FEZ2: variants seen among roughly 807,000 people sequenced by gnomAD.
FEZ2 encodes the protein fasciculation and elongation protein zeta 2, also known as fasciculation and elongation protein zeta-2.
In FEZ2, 51 loss-of-function variants were observed where a neutral mutation model predicts 40.4. The ratio of observed to expected loss-of-function variants is 1.26; its 90% CI spans 1.01 to 1.59. The LOEUF (loss-of-function observed/expected upper bound fraction) is 1.59. Among genes scored for constraint, FEZ2 ranks in the 40% most tolerant of loss-of-function variants. The probability of loss-of-function intolerance (pLI) is 0.00; values close to 1 mark genes in which losing one functional copy is unlikely to be tolerated. For synonymous variants in FEZ2, 242 were observed against 172.0 expected (o/e 1.41, Z -3.18); for missense variants, 640 against 438.3 (o/e 1.46, Z -4.11).
chr2:36,578,478 T>A, intron 5 of FEZ2, 119 bp downstream of exon 5: 2 of 1,039,066 alleles, frequency 1.9e-6, no homozygotes, highest in South Asian at 3.2e-5. Flanking sequence ...GGGCTCTGAT[T>A]AGAAGTGTTA....
chr2:36,562,167 G>A (rs1668110576), intron 5 of FEZ2, among the ~76,000 whole-genome samples: 1 of 151,936 alleles, frequency 6.6e-6, no homozygotes, highest in South Asian at 2.1e-4. Context: ...GCACAGCAAT[G>A]ATATTTTTTC....
At chr2:36,581,697 T>G (rs1668755247) in intron 3 of FEZ2, 2 of 348,844 alleles carry the variant, frequency 5.7e-6, no homozygotes. Context: ...GGCCCTAACA[T>G]GTCTTGCAAA....
chr2:36,567,209 G>T (rs557549084), intron 5 of FEZ2, among the ~76,000 whole-genome samples: 1 of 151,808 alleles, frequency 6.6e-6, no homozygotes, highest in Non-Finnish European at 1.5e-5. Flanking sequence ...AAGAGCCTTA[G>T]AGCCTATGAT....
At chr2:36,571,340 T>TA (rs1209709901) in intron 5 of FEZ2, among the ~76,000 whole-genome samples, 1 of 152,200 alleles carries the variant, frequency 6.6e-6, no homozygotes, top group Non-Finnish European at 1.5e-5. Context: ...AAATTATTGT[T>TA]AAAATGTGTC....
Position 36,598,132 on chromosome 2 carries a change from T to TCCGCCG in FEZ2, c.5_10dup (p.Ala2_Ala3dup). 1 of 1,475,378 alleles carries TCCGCCG rather than the reference T, an allele frequency of 6.8e-7. No homozygotes were observed. Among genetic ancestry groups the TCCGCCG allele is most frequent in the Non-Finnish European group, 8.9e-7 (1 of 1,121,536 alleles). 91.4% of individuals were successfully genotyped at this position (1,475,378 alleles called of 1,614,324 possible). A position where few individuals can be genotyped will look rare whatever the true frequency, so the allele number is the denominator to read the frequency against. Reference sequence around the variant, plus strand: ...CTCATAGAAATCCTGCCAGTCCCCGTCCGCCGCCATCGCCGCCCGGAGCAG... The same window carrying TCCGCCG: ...CTCATAGAAATCCTGCCAGTCCCCGTCCGCCGCCGCCGCCATCGCCGCCCGGAGCAG... On this transcript the variant is annotated inframe_insertion, in exon 1 of 8. Coordinates refer to ENST00000405912, the MANE Select transcript of FEZ2 (RefSeq NM_005102.3).
intron 4 of FEZ2, chr2:36,579,139 A>T: frequency 2.6e-6 from 1 of 380,706 alleles, no homozygotes; most frequent in Non-Finnish European, 4.7e-6. Flanking sequence ...GTGCAAATAA[A>T]TCATTGCATG....
intron 2 of FEZ2, among the ~76,000 whole-genome samples, chr2:36,584,833 A>G (rs942682666): frequency 6.6e-6 from 1 of 152,230 alleles, no homozygotes; most frequent in African/African-American, 2.4e-5. Context: ...CCTACAGAGT[A>G]AGAAACCTGC....
At chr2:36,564,231 G>A (rs149262876) in intron 5 of FEZ2, among the ~76,000 whole-genome samples, 3 of 152,230 alleles carry the variant, frequency 2.0e-5, no homozygotes, top group Admixed American at 6.5e-5. Context: ...CCTATTGTAT[G>A]TTTAATGGCC....
chr2:36,581,160 C>CA, intron 4 of FEZ2, 130 bp downstream of exon 4: 1 of 953,880 alleles, frequency 1.0e-6, no homozygotes. Context: ...ACAACAACAA[C>CA]AAAAATGTAA....
chr2:36,576,922 G>A (rs1353961477), intron 5 of FEZ2, among the ~76,000 whole-genome samples: 1 of 152,156 alleles, frequency 6.6e-6, no homozygotes, highest in Non-Finnish European at 1.5e-5. Context: ...AGCAATAAAT[G>A]GAGGATTTAC....
intron 5 of FEZ2, chr2:36,561,424 C>G (rs1321200020): frequency 6.6e-6 from 1 of 152,204 alleles, no homozygotes; most frequent in Non-Finnish European, 1.5e-5. Flanking sequence ...AGATGGCATA[C>G]GCTTCCTGGA....
At chr2:36,553,876 C>A (rs979553231) in intron 7 of FEZ2, among the ~76,000 whole-genome samples, 1 of 152,130 alleles carries the variant, frequency 6.6e-6, no homozygotes, top group Non-Finnish European at 1.5e-5. Context: ...GGCAAAGTGT[C>A]GTATTATTGG....
chr2:36,558,404 A>G, intron 6 of FEZ2, 34 bp downstream of exon 6: 1 of 1,340,450 alleles, frequency 7.5e-7, no homozygotes, highest in Non-Finnish European at 1.0e-6. Context: ...AGCAAAAGGA[A>G]ATCAGGTAAT....
intron 5 of FEZ2, among the ~76,000 whole-genome samples, chr2:36,570,481 T>A (rs562543623): frequency 6.6e-6 from 1 of 152,192 alleles, no homozygotes; most frequent in East Asian, 1.9e-4. Context: ...CCACTAAAAC[T>A]AGAATATAAT....
rs780353747 is a variant in FEZ2, at chr2:36,583,359, T to G, written c.486A>C (p.Ala162=). The G allele has an allele frequency of 1.6e-5, 25 of 1,545,622 alleles. No homozygotes were observed. Among genetic ancestry groups the G allele is most frequent in the Non-Finnish European group, 2.2e-5 (25 of 1,117,838 alleles). Residue 162 remains alanine (A), a synonymous_variant, in exon 3 of 8, where the codon GCA becomes GCC. Transcript: ENST00000405912. ...CTGAGGATCTCCTCTATACCTGGTC[T>G]GCCGTGAAGAGGGGTTCATCATTAA... ...SCVNDEPLFT[A]DQVIEEIEEM... is the part of the protein sequence containing the mutation.
At chr2:36,567,530 G>A (rs942524989) in intron 5 of FEZ2, among the ~76,000 whole-genome samples, 3 of 152,112 alleles carry the variant, frequency 2.0e-5, no homozygotes, top group Non-Finnish European at 4.4e-5. Context: ...GGGAGGCCGA[G>A]GTGGGTGGAT....
intron 5 of FEZ2, chr2:36,558,720 A>C (rs891563081): frequency 5.6e-6 from 2 of 357,210 alleles, no homozygotes; most frequent in African/African-American, 4.2e-5. Context: ...TGCTTCATAC[A>C]AACCTAATGT....
intron 7 of FEZ2, 62 bp downstream of exon 7, chr2:36,555,621 G>A (rs1384758448): frequency 2.0e-5 from 16 of 820,426 alleles, no homozygotes; most frequent in South Asian, 9.3e-5. Context: ...TTAGCAAGGC[G>A]ATGTATTTAC....
chr2:36,555,243 CG>C (rs1667927294), intron 7 of FEZ2: 1 of 153,492 alleles, frequency 6.5e-6, no homozygotes, highest in Admixed American at 6.5e-5. Flanking sequence ...CAGTCCCTTT[CG>C]TATTCCCTTT....
Sources: allele counts gnomAD v4.1 joint callset (sites outside exome capture counted in the v4.1 genomes callset), GRCh38; gene constraint gnomAD v4.1.1; transcripts MANE v1.5; gene names NCBI Gene and HGNC (gene_info 2026-07-23, HGNC 2026-07-21).